CFAP43: variants seen among roughly 807,000 people sequenced by gnomAD.
CFAP43 encodes cilia and flagella associated protein 43, also known as cilia- and flagella-associated protein 43.
Under a neutral mutation model 218.9 loss-of-function variants are expected in CFAP43, and 155 were observed. That is an observed-to-expected ratio of 0.71 (90% CI 0.62 to 0.81). CFAP43 has a LOEUF of 0.81. CFAP43 is among the 30% of genes least tolerant of loss of function. The probability of loss-of-function intolerance (pLI) is 0.00; values close to 1 mark genes in which losing one functional copy is unlikely to be tolerated. For synonymous variants in CFAP43, 645 were observed against 681.3 expected (o/e 0.95, Z 0.83); for missense variants, 1,778 against 1,954.3 (o/e 0.91, Z 1.70).
chr10:104,208,937 A>G (rs2090774733), intron 5 of CFAP43, among the ~76,000 whole-genome samples: 1 of 152,192 alleles, frequency 6.6e-6, no homozygotes, highest in Non-Finnish European at 1.5e-5. Flanking sequence ...AACGCCCTAA[A>G]TAAGTTGTGT....
In CFAP43 at chr10:104,212,154, C is replaced by T. The variant is rs776018634; in HGVS notation, c.588G>A (p.Ser196=). 26 of 1,612,652 alleles carry T rather than the reference C, an allele frequency of 1.6e-5. No homozygotes were observed. Among genetic ancestry groups the T allele is most frequent in the East Asian group, 6.7e-5 (3 of 44,826 alleles). ...SNQEHCFRAR[S]VKLPLEDGSF... is the part of the protein sequence containing the mutation. ...ACCCATCTTCTAGAGGTAATTTCAC[C>T]GACCTGTAGACAAAAGAGGCATCAG... Residue 196 remains serine, a synonymous_variant, in exon 5 of 38, where the codon TCG becomes TCA. Transcript: ENST00000357060.
At chr10:104,192,094 G>A in intron 12 of CFAP43, 105 bp downstream of exon 12, 1 of 825,018 alleles carries the variant, frequency 1.2e-6, no homozygotes, top group Non-Finnish European at 1.9e-6. Context: ...CAGAAAATAT[G>A]CCACAAATAA....
intron 3 of CFAP43, among the ~76,000 whole-genome samples, chr10:104,221,482 C>T (rs1564815204): frequency 6.6e-6 from 1 of 152,134 alleles, no homozygotes; most frequent in Non-Finnish European, 1.5e-5. Context: ...TCCCTTCTAC[C>T]ATGTGAGGAC....
At chr10:104,134,271 G>A (rs1300153637) in intron 34 of CFAP43, among the ~76,000 whole-genome samples, 1 of 152,076 alleles carries the variant, frequency 6.6e-6, no homozygotes, top group African/African-American at 2.4e-5. Flanking sequence ...AGTGGTGCAC[G>A]CCTGTGGTCC....
chr10:104,152,508 A>G, intron 28 of CFAP43, 99 bp downstream of exon 28: 1 of 1,538,344 alleles, frequency 6.5e-7, no homozygotes. Flanking sequence ...AGAGCATACA[A>G]GATCTTAGTA....
intron 27 of CFAP43, among the ~76,000 whole-genome samples, chr10:104,157,524 G>A (rs1300857486): frequency 6.6e-6 from 1 of 152,094 alleles, no homozygotes; most frequent in Non-Finnish European, 1.5e-5. Flanking sequence ...GGCAGAGATA[G>A]TTTGGTGAAA....
intron 3 of CFAP43, among the ~76,000 whole-genome samples, chr10:104,224,129 C>T (rs567000067): frequency 5.3e-5 from 8 of 152,180 alleles, no homozygotes; most frequent in South Asian, 2.1e-4. Flanking sequence ...CTGCAAGCTC[C>T]GCCTCCCGGG....
chr10:104,208,473 CT>C (rs2090761293), intron 5 of CFAP43, among the ~76,000 whole-genome samples: 1 of 151,996 alleles, frequency 6.6e-6, no homozygotes, highest in Admixed American at 6.5e-5. Flanking sequence ...GCTTGTCTTC[CT>C]ATTACTTTTT....
At chr10:104,199,752 T>C (rs912786687) in intron 8 of CFAP43, among the ~76,000 whole-genome samples, 8 of 152,180 alleles carry the variant, frequency 5.3e-5, no homozygotes, top group Non-Finnish European at 1.2e-4. Flanking sequence ...CAGGCCTCCA[T>C]GACAACTGTT....
chr10:104,131,292 G>T (rs2087178420), intron 37 of CFAP43, 39 bp downstream of exon 37: 1 of 1,584,684 alleles, frequency 6.3e-7, no homozygotes, highest in Admixed American at 2.0e-5. Flanking sequence ...TACTTTTAAA[G>T]AAACCTACAG....
chr10:104,136,456 C>T (rs1019122166), intron 34 of CFAP43, among the ~76,000 whole-genome samples: 1 of 151,726 alleles, frequency 6.6e-6, no homozygotes, highest in Admixed American at 6.6e-5. Flanking sequence ...CTGCAACCTC[C>T]GCCTCCCGAG....
intron 6 of CFAP43, 125 bp downstream of exon 6, chr10:104,207,540 G>T: frequency 1.1e-6 from 1 of 892,046 alleles, no homozygotes; most frequent in South Asian, 1.8e-5. Flanking sequence ...CAACAGCACA[G>T]TAACAGCCAG....
chr10:104,130,667 A>G (rs181649335), intron 37 of CFAP43, among the ~76,000 whole-genome samples: 9 of 152,284 alleles, frequency 5.9e-5, no homozygotes, highest in Non-Finnish European at 1.2e-4. Context: ...AATGGGAGCT[A>G]AACAGTGGAT....
At chr10:104,152,816 G>C in intron 27 of CFAP43, 90 bp from the exon 28 acceptor site, 2 of 1,426,738 alleles carry the variant, frequency 1.4e-6, no homozygotes, top group Non-Finnish European at 1.9e-6. Flanking sequence ...GGGAGGGGCA[G>C]ATGGAGGGCA....
chr10:104,170,300 A>G (rs1028798411), intron 20 of CFAP43, among the ~76,000 whole-genome samples: 3 of 152,104 alleles, frequency 2.0e-5, no homozygotes, highest in Non-Finnish European at 4.4e-5. Context: ...AGGGATGAGC[A>G]TGAATTTGGT....
chr10:104,162,290 G>A (rs569458600), intron 25 of CFAP43, 27 bp downstream of exon 25: 1 of 1,578,846 alleles, frequency 6.3e-7, no homozygotes, highest in Non-Finnish European at 8.6e-7. Flanking sequence ...GAGGGTCTTA[G>A]GACCTGTGTT....
intron 4 of CFAP43, among the ~76,000 whole-genome samples, chr10:104,213,316 T>TC (rs1412303156): frequency 6.6e-6 from 1 of 152,176 alleles, no homozygotes. Flanking sequence ...AATCAAGAGA[T>TC]CCAACATCTC....
At chr10:104,133,896 G>A in intron 34 of CFAP43, 112 bp from the exon 35 acceptor site, 2 of 1,027,874 alleles carry the variant, frequency 1.9e-6, no homozygotes, top group Non-Finnish European at 2.7e-6. Flanking sequence ...AGATAATTCT[G>A]TCTTCTTTTT....
At chr10:104,133,552 A>G (rs2087296288) in intron 35 of CFAP43, 68 bp downstream of exon 35, 1 of 1,480,124 alleles carries the variant, frequency 6.8e-7, no homozygotes, top group Non-Finnish European at 9.1e-7. Context: ...CTTATTAAAT[A>G]CTGGTTAAAT....
Sources: allele counts gnomAD v4.1 joint callset (sites outside exome capture counted in the v4.1 genomes callset), GRCh38; gene constraint gnomAD v4.1.1; transcripts MANE v1.5; gene names NCBI Gene and HGNC (gene_info 2026-07-23, HGNC 2026-07-21).